Variants in CCAR1 observed in about 807,000 individuals in gnomAD.
CCAR1 encodes cell division cycle and apoptosis regulator protein 1.
CCAR1 carries 78 observed loss-of-function variants against 163.8 expected under a neutral mutation model. The observed-to-expected ratio is 0.48, with a 90% CI of 0.40 to 0.57. The LOEUF (loss-of-function observed/expected upper bound fraction) is 0.57. Among genes scored for constraint, CCAR1 ranks in the 20% least tolerant of loss-of-function variants. CCAR1 has a pLI of 0.00. For missense variants in CCAR1, 1,019 were observed against 1,365.2 expected, an observed-to-expected ratio of 0.75 and a Z score of 4.00; for synonymous variants, 443 against 460.7, an observed-to-expected ratio of 0.96 and a Z score of 0.49.
chr10:68,774,977 T>A (rs1340221691), intron 19 of CCAR1: 3 of 390,848 alleles, frequency 7.7e-6, no homozygotes, highest in Non-Finnish European at 1.5e-5. Flanking sequence ...ATTACTTTTA[T>A]TTACGGTATA....
At chr10:68,772,770 A>C (rs1564548285) in intron 18 of CCAR1, among the ~76,000 whole-genome samples, 1 of 148,110 alleles carries the variant, frequency 6.8e-6, no homozygotes, top group Non-Finnish European at 1.5e-5. Flanking sequence ...AAAAAAAAAA[A>C]CCATATATAT....
Position 68,747,145 on chromosome 10 carries a change from CTTT to C in CCAR1, c.519-7_519-5del. 5 of 1,088,992 alleles carry C rather than the reference CTTT, an allele frequency of 4.6e-6. No homozygotes were observed. Among genetic ancestry groups the C allele is most frequent in the South Asian group, 3.3e-5 (2 of 59,746 alleles). 67.5% of individuals were successfully genotyped at this position (1,088,992 alleles called of 1,614,324 possible). On this transcript the variant is annotated splice_polypyrimidine_tract_variant and intron_variant, in intron 6 of 24. Coordinates refer to ENST00000265872, the MANE Select transcript of CCAR1 (RefSeq NM_018237.4). The stretch of plus-strand genomic sequence containing the variant: ...TGTATTTATATTTAACTTTTTTTTT[CTTT>C]TTTTTTTTACAGTGCTGTCAAAGGG...
At chr10:68,734,039 T>A (rs561149894) in intron 2 of CCAR1, among the ~76,000 whole-genome samples, 3 of 152,292 alleles carry the variant, frequency 2.0e-5, no homozygotes, top group African/African-American at 7.2e-5. Flanking sequence ...TAAACATGAT[T>A]TCTGGGATTT....
chr10:68,785,005 C>T (rs1474287578), intron 19 of CCAR1, among the ~76,000 whole-genome samples: 3 of 150,706 alleles, frequency 2.0e-5, no homozygotes, highest in African/African-American at 2.4e-5. Context: ...ACAAGCTCCG[C>T]CTCCTGGGTT....
At chr10:68,726,297 G>A (rs997649061) in intron 2 of CCAR1, among the ~76,000 whole-genome samples, 5 of 151,956 alleles carry the variant, frequency 3.3e-5, no homozygotes, top group South Asian at 2.1e-4. Context: ...GACTATAGGC[G>A]TGTGGCAGCA....
chr10:68,783,000 C>CTTT, intron 19 of CCAR1, among the ~76,000 whole-genome samples: 1 of 92,426 alleles, frequency 1.1e-5, no homozygotes, highest in Non-Finnish European at 2.1e-5. Flanking sequence ...TCACTTTACT[C>CTTT]TTTTTTTTTT....
At chr10:68,743,188 CTT>C (rs2056205583) in intron 6 of CCAR1, among the ~76,000 whole-genome samples, 1 of 148,890 alleles carries the variant, frequency 6.7e-6, no homozygotes, top group African/African-American at 2.5e-5. Context: ...TTCTTTCTTT[CTT>C]TTTCTTTTTC....
At chr10:68,784,308 C>G (rs899281195) in intron 19 of CCAR1, among the ~76,000 whole-genome samples, 1 of 151,844 alleles carries the variant, frequency 6.6e-6, no homozygotes, top group East Asian at 1.9e-4. Flanking sequence ...CTCTGCCTCC[C>G]GGGTTCACAC....
In CCAR1 at chr10:68,749,037, C is replaced by G. The variant is rs1002777343; in HGVS notation, c.827-99C>G. ...CCAACTTTGAAAAAACAATTTTAGT[C>G]ACTCTCAGTTATTTAACTTTGTTCC... On this transcript the variant is annotated intron_variant, in intron 8 of 24. Coordinates refer to ENST00000265872, the MANE Select transcript of CCAR1 (RefSeq NM_018237.4). 2.9e-6 allele frequency: 4 copies of G among 1,390,888 alleles called. No homozygotes were observed. The African/African-American group carries it at 5.8e-5, about 20-fold the overall frequency. 86.2% of individuals were successfully genotyped at this position (1,390,888 alleles called of 1,614,324 possible). A position where few individuals can be genotyped will look rare whatever the true frequency, so the allele number is the denominator to read the frequency against.
chr10:68,786,849 C>A, intron 21 of CCAR1, 157 bp downstream of exon 21: 1 of 557,046 alleles, frequency 1.8e-6, no homozygotes, highest in Non-Finnish European at 3.0e-6. Flanking sequence ...GGTTGGGAGG[C>A]TGAGGCGGGC....
chr10:68,786,997 A>C (rs1335123142), intron 21 of CCAR1: 1 of 218,052 alleles, frequency 4.6e-6, no homozygotes, highest in Non-Finnish European at 9.0e-6. Flanking sequence ...AGACAGGAGA[A>C]TCTCTTGAAC....
At chr10:68,786,908 A>G in intron 21 of CCAR1, 1 of 373,326 alleles carries the variant, frequency 2.7e-6, no homozygotes, top group Non-Finnish European at 4.8e-6. Context: ...AACATGGCGT[A>G]GCTCCGTCTC....
chr10:68,773,157 G>A, intron 19 of CCAR1, 58 bp downstream of exon 19: 1 of 881,972 alleles, frequency 1.1e-6, no homozygotes, highest in Non-Finnish European at 1.8e-6. Context: ...TTTGTTTGCT[G>A]ACATTGTATT....
At chr10:68,771,887 G>GA (rs146834863) in intron 18 of CCAR1, among the ~76,000 whole-genome samples, 15,066 of 151,572 alleles carry the variant, frequency 0.099, 924 homozygotes, top group South Asian at 0.16. Context: ...CTTTTTCTGA[G>GA]ACGGAGTCTT....
At chr10:68,758,026 C>T (rs1328502766) in intron 15 of CCAR1, among the ~76,000 whole-genome samples, 4 of 152,100 alleles carry the variant, frequency 2.6e-5, no homozygotes, top group African/African-American at 9.7e-5. Context: ...CAGGTGTGAG[C>T]CACCGTGCCT....
intron 16 of CCAR1, among the ~76,000 whole-genome samples, chr10:68,765,130 T>G (rs1040304564): frequency 3.5e-4 from 53 of 152,248 alleles, no homozygotes; most frequent in African/African-American, 1.2e-3. Context: ...TTGCCCTTCA[T>G]CACTTTTTAC....
intron 24 of CCAR1, among the ~76,000 whole-genome samples, chr10:68,790,589 C>T (rs1443348041): frequency 2.0e-5 from 3 of 151,898 alleles, no homozygotes; most frequent in East Asian, 1.9e-4. Flanking sequence ...TTGTTAGTGG[C>T]GCTATCTTGG....
Position 68,788,151 on chromosome 10 carries a change from T to C in CCAR1, c.3010T>C (p.Leu1004=), listed in dbSNP as rs982702598. 1.2e-5 allele frequency: 19 copies of C among 1,565,188 alleles called. No homozygotes were observed. The highest frequency in any genetic ancestry group is 1.5e-5 in the Non-Finnish European group (18 of 1,162,406). ...SLQEDMLGNR[L]LLPTPTVKQE... ...TATATTTTATATTATAGGAAACAGA[T>C]TATTACTTCCAACACCAACAGTAAA... The change falls in exon 23 of 25, where the codon TTA becomes CTA. Residue 1004 remains leucine, a synonymous_variant. Transcript: ENST00000265872.
intron 4 of CCAR1, among the ~76,000 whole-genome samples, chr10:68,738,962 C>T (rs2056148852): frequency 6.6e-6 from 1 of 152,158 alleles, no homozygotes; most frequent in Admixed American, 6.5e-5. Context: ...GAGAAAGTCA[C>T]ACTTTGTAGT....
Sources: allele counts gnomAD v4.1 joint callset (sites outside exome capture counted in the v4.1 genomes callset), GRCh38; gene constraint gnomAD v4.1.1; transcripts MANE v1.5; gene names NCBI Gene and HGNC (gene_info 2026-07-23, HGNC 2026-07-21).